OTUD5: variants seen among roughly 807,000 people sequenced by gnomAD.
OTUD5 encodes the protein OTU domain-containing protein 5.
Under a neutral mutation model 36.3 loss-of-function variants are expected in OTUD5, and 2 were observed. The observed-to-expected ratio is 0.06, with a 90% CI of 0.02 to 0.17. The LOEUF (loss-of-function observed/expected upper bound fraction) is 0.17. Ranked by LOEUF, OTUD5 falls within the 10% of genes least tolerant of loss-of-function variation. The probability of loss-of-function intolerance (pLI) is 1.00; values close to 1 mark genes in which losing one functional copy is unlikely to be tolerated. For synonymous variants in OTUD5, 234 were observed against 214.9 expected (o/e 1.09, Z -0.78); for missense variants, 233 against 512.3 (o/e 0.45, Z 5.26).
intron 5 of OTUD5, among the ~76,000 whole-genome samples, chrX:48,928,826 C>CAAAAA (rs782401982): frequency 1.6e-5 from 1 of 63,554 alleles, no homozygotes; most frequent in Non-Finnish European, 2.7e-5. Flanking sequence ...TACACTGTCT[C>CAAAAA]AAAAAAAAAA....
In OTUD5 at chrX:48,923,021, G is replaced by T. The variant is rs1424912623; in HGVS notation, c.*153C>A. Reference sequence around the variant, plus strand: ...AGCGGCAATGAGAGAGAGTGCAGGGGTGGGCTAGCCAGAGGGAAGTGAGGA... The same window carrying T: ...AGCGGCAATGAGAGAGAGTGCAGGGTTGGGCTAGCCAGAGGGAAGTGAGGA... On this transcript the variant is annotated 3_prime_UTR_variant, in exon 9 of 9. Coordinates refer to ENST00000376488, the MANE Select transcript of OTUD5 (RefSeq NM_001136157.2). The T allele has an allele frequency of 6.2e-6, 7 of 1,126,253 alleles. No homozygotes were observed. The South Asian group carries it at 6.4e-5, about 10-fold the overall frequency. 92.8% of individuals were successfully genotyped at this position (1,126,253 alleles called of 1,213,427 possible).
intron 2 of OTUD5, among the ~76,000 whole-genome samples, chrX:48,936,008 G>A (rs954552437): frequency 7.4e-5 from 8 of 108,589 alleles, no homozygotes; most frequent in Admixed American, 4.0e-4. Flanking sequence ...ATGAGATAAC[G>A]GGTATAAAAT....
Position 48,957,349 on chromosome X carries a change from C to T in OTUD5, c.222G>A (p.Pro74=), listed in dbSNP as rs781795008. 3.5e-6 allele frequency: 4 copies of T among 1,129,346 alleles called. No homozygotes were observed. 93.1% of individuals were successfully genotyped at this position (1,129,346 alleles called of 1,213,427 possible). Residue 74 remains proline (P), a synonymous_variant, in exon 1 of 9, where the codon CCG becomes CCA. Transcript: ENST00000376488. The part of the protein sequence containing the change: ...SPPPQGPLPG[P]PGALHRWALA... ...GCGCCCAGCGATGAAGAGCGCCCGG[C>T]GGTCCTGGTAGCGGGCCTTGAGGCG... is the stretch of plus-strand genomic sequence containing the variant.
intron 5 of OTUD5, among the ~76,000 whole-genome samples, chrX:48,930,170 T>C (rs782312074): frequency 1.8e-5 from 2 of 111,739 alleles, no homozygotes; most frequent in Non-Finnish European, 3.8e-5. Flanking sequence ...GGGGTACAAG[T>C]AGGTCACTTT....
chrX:48,929,448 C>G (rs782300790), intron 5 of OTUD5, among the ~76,000 whole-genome samples: 1 of 109,799 alleles, frequency 9.1e-6, no homozygotes, highest in South Asian at 3.8e-4. Context: ...ATGGCCAGCG[C>G]GGTGGCTCAT....
intron 5 of OTUD5, among the ~76,000 whole-genome samples, chrX:48,930,278 C>G (rs1395462412): frequency 4.5e-5 from 5 of 111,416 alleles, no homozygotes; most frequent in Non-Finnish European, 9.4e-5. Flanking sequence ...TACGGGTGAA[C>G]AAGTGTGATT....
intron 5 of OTUD5, among the ~76,000 whole-genome samples, chrX:48,931,188 A>C (rs1271769436): frequency 9.0e-6 from 1 of 111,357 alleles, no homozygotes; most frequent in Non-Finnish European, 1.9e-5. Context: ...GAGTAACCTT[A>C]GGTGGAGAAA....
chrX:48,923,069 G>A lies in OTUD5; in HGVS notation c.*105C>T, dbSNP rs2063606085. Reference sequence around the variant, plus strand: ...GGAGGAGGGAAAAGAGGGGAGAGCAGAAAGAACAGAAGGAGGCAAGAGGGA... The same window carrying A: ...GGAGGAGGGAAAAGAGGGGAGAGCAAAAAGAACAGAAGGAGGCAAGAGGGA... On this transcript the variant is annotated 3_prime_UTR_variant, in exon 9 of 9. Transcript: ENST00000376488. The A allele has an allele frequency of 1.7e-6, 2 of 1,184,793 alleles. No individual in the cohort carries two copies. Among genetic ancestry groups the A allele is most frequent in the Admixed American group, 4.5e-5 (2 of 44,772 alleles).
chrX:48,956,943 C>T, intron 1 of OTUD5, 34 bp downstream of exon 1: 1 of 1,107,656 alleles, frequency 9.0e-7, no homozygotes, highest in Non-Finnish European at 1.2e-6. Context: ...TCCCATCTGC[C>T]GTGGCCGCTC....
At chrX:48,942,299 TACACACACACACACACACACACAC>T (rs61325018) in intron 2 of OTUD5, among the ~76,000 whole-genome samples, 1 of 55,018 alleles carries the variant, frequency 1.8e-5, no homozygotes, top group Non-Finnish European at 3.5e-5. Flanking sequence ...GCTAGCTAGA[TACACACACACACACACACACACAC>T]ACACACACAC....
chrX:48,942,244 T>TACACACAC (rs1188711919), intron 2 of OTUD5, among the ~76,000 whole-genome samples: 7,460 of 56,955 alleles, frequency 0.13, 762 homozygotes, highest in Middle Eastern at 0.24. Flanking sequence ...CACACACACA[T>TACACACAC]ACACACACAC....
At chrX:48,947,044 G>T (rs2064041387) in intron 1 of OTUD5, among the ~76,000 whole-genome samples, 1 of 111,928 alleles carries the variant, frequency 8.9e-6, no homozygotes, top group African/African-American at 3.2e-5. Context: ...CCACCACAAG[G>T]TATGAACAAG....
At chrX:48,935,194 C>G (rs1557049691) in intron 2 of OTUD5, among the ~76,000 whole-genome samples, 176 bp from the exon 3 acceptor site, 1 of 112,103 alleles carries the variant, frequency 8.9e-6, no homozygotes, top group African/African-American at 3.2e-5. Context: ...AAAAATATGG[C>G]AGGCAGGGCC....
At chrX:48,947,889 G>C (rs1319866487) in intron 1 of OTUD5, among the ~76,000 whole-genome samples, 1 of 111,671 alleles carries the variant, frequency 9.0e-6, no homozygotes, top group South Asian at 3.8e-4. Flanking sequence ...GAATTCAGTA[G>C]AGCTAAAGTT....
intron 1 of OTUD5, among the ~76,000 whole-genome samples, chrX:48,945,203 G>T (rs1208012476): frequency 9.3e-6 from 1 of 107,357 alleles, no homozygotes; most frequent in Non-Finnish European, 1.9e-5. Flanking sequence ...TGTTATCAGC[G>T]ATTTTATTGC....
At chrX:48,948,075 C>T (rs1328100453) in intron 1 of OTUD5, among the ~76,000 whole-genome samples, 1 of 112,625 alleles carries the variant, frequency 8.9e-6, no homozygotes, top group African/African-American at 3.2e-5. Context: ...AGGCCAGACA[C>T]GGTGGCTCAC....
upstream of OTUD5, chrX:48,957,653 G>A (rs782434651): frequency 6.4e-6 from 5 of 787,317 alleles, no homozygotes; most frequent in East Asian, 2.5e-4. Context: ...AGTGTAGTGC[G>A]CGAGGCACGA....
chrX:48,927,623 T>G (rs893876156), intron 5 of OTUD5, among the ~76,000 whole-genome samples: 1 of 111,838 alleles, frequency 8.9e-6, no homozygotes, highest in Non-Finnish European at 1.9e-5. Flanking sequence ...GGAGCTTCCA[T>G]GCCCTCCCTG....
chrX:48,944,313 G>T, intron 1 of OTUD5, 30 bp from the exon 2 acceptor site: 1 of 1,010,608 alleles, frequency 9.9e-7, no homozygotes, highest in Non-Finnish European at 1.4e-6. Flanking sequence ...GTCAGCAACA[G>T]GGAAAACCTG....
Sources: allele counts gnomAD v4.1 joint callset (sites outside exome capture counted in the v4.1 genomes callset), GRCh38; gene constraint gnomAD v4.1.1; transcripts MANE v1.5; gene names NCBI Gene and HGNC (gene_info 2026-07-23, HGNC 2026-07-21).